DNAH8: variants seen among roughly 807,000 people sequenced by gnomAD.
DNAH8 encodes dynein axonemal heavy chain 8.
A neutral mutation model predicts 562.1 loss-of-function variants in DNAH8; 382 were observed. The ratio of observed to expected loss-of-function variants is 0.68; its 90% CI spans 0.63 to 0.74. The LOEUF (loss-of-function observed/expected upper bound fraction) is 0.74. Among genes scored for constraint, DNAH8 ranks in the 30% least tolerant of loss-of-function variants. DNAH8 has a pLI of 0.00. For synonymous variants in DNAH8, 1,881 were observed against 1,919.4 expected (o/e 0.98, Z 0.52); for missense variants, 5,203 against 5,620.4 (o/e 0.93, Z 2.37).
chr6:38,915,884 G>A (rs1387363522), intron 68 of DNAH8, among the ~76,000 whole-genome samples: 2 of 151,730 alleles, frequency 1.3e-5, no homozygotes, highest in Non-Finnish European at 2.9e-5. Flanking sequence ...ACACATATAT[G>A]TGCATGTATA....
intron 26 of DNAH8, 75 bp from the exon 27 acceptor site, chr6:38,822,763 T>A: frequency 9.0e-7 from 1 of 1,107,748 alleles, no homozygotes; most frequent in South Asian, 2.3e-5. Context: ...TGAAAAAGAA[T>A]CACAAATATT....
intron 84 of DNAH8, among the ~76,000 whole-genome samples, chr6:38,974,071 C>G (rs1763517461): frequency 6.6e-6 from 1 of 152,124 alleles, no homozygotes; most frequent in Non-Finnish European, 1.5e-5. Context: ...TTATACAATG[C>G]TGAACTTTGC....
chr6:38,857,478 A>G (rs1776291688), intron 41 of DNAH8, 40 bp from the exon 42 acceptor site: 2 of 1,429,672 alleles, frequency 1.4e-6, no homozygotes, highest in Non-Finnish European at 1.9e-6. Flanking sequence ...TGTGCTTTAA[A>G]TATTTGGCAA....
chr6:38,841,721 T>G (rs899728013), intron 33 of DNAH8, among the ~76,000 whole-genome samples: 2 of 151,622 alleles, frequency 1.3e-5, no homozygotes, highest in Admixed American at 1.3e-4. Flanking sequence ...TGGGCACATG[T>G]GGGATTTTTT....
chr6:38,719,981 T>A (rs1305242512), intron 1 of DNAH8, among the ~76,000 whole-genome samples: 1 of 152,096 alleles, frequency 6.6e-6, no homozygotes, highest in Non-Finnish European at 1.5e-5. Flanking sequence ...AACTCAGATA[T>A]AAGGATGAGA....
rs1289109348 is a variant in DNAH8 at position 38,853,181 on chromosome 6, T to A, written c.5572-5T>A. 6.3e-7 allele frequency: 1 copy of A among 1,590,320 alleles called. No homozygotes were observed. Among genetic ancestry groups the A allele is most frequent in the South Asian group, 1.2e-5 (1 of 86,586 alleles). ...ATTTATAATATCCTTGTAATTTTGT[T>A]TTAGTTGGATAATTCTGTTATGGCC... is the stretch of plus-strand genomic sequence containing the variant. On this transcript the variant is annotated splice_region_variant and splice_polypyrimidine_tract_variant and intron_variant, in intron 40 of 92. Transcript: ENST00000327475.
chr6:39,008,093 CTG>C (rs1765912249), intron 88 of DNAH8, among the ~76,000 whole-genome samples: 1 of 152,034 alleles, frequency 6.6e-6, no homozygotes, highest in African/African-American at 2.4e-5. Flanking sequence ...TCAAACCTCT[CTG>C]AAAGCATCCT....
intron 41 of DNAH8, among the ~76,000 whole-genome samples, chr6:38,854,830 GTA>G (rs144448046): frequency 1.3e-5 from 2 of 149,790 alleles, no homozygotes; most frequent in Non-Finnish European, 1.5e-5. Flanking sequence ...GTGTATGTGT[GTA>G]TATATATATG....
At chr6:38,782,627 C>G (rs189736752) in intron 16 of DNAH8, among the ~76,000 whole-genome samples, 11 of 151,982 alleles carry the variant, frequency 7.2e-5, no homozygotes, top group Non-Finnish European at 1.2e-4. Context: ...CCTTTTTTTG[C>G]GTGCTGGAAT....
chr6:38,820,493 C>T (rs1716435777), intron 26 of DNAH8, among the ~76,000 whole-genome samples: 2 of 152,060 alleles, frequency 1.3e-5, no homozygotes, highest in Admixed American at 1.3e-4. Flanking sequence ...TTTAAACCAC[C>T]AGGGTAGGGA....
rs773181107 is a variant in DNAH8 at position 38,883,351 on chromosome 6, T to G, written c.8031T>G (p.Thr2677=). The G allele has an allele frequency of 2.0e-4, 325 of 1,612,658 alleles. No individual in the cohort carries two copies. Among genetic ancestry groups the G allele is most frequent in the Non-Finnish European group, 3.4e-6 (4 of 1,179,380 alleles). ...TTTTGCTCACAGGAGAGCAGGGAAC[T>G]GCAAAAACTGTCATGGTTAAGGCCT... ...KAVLLTGEQG[T]AKTVMVKAYL... is the part of the protein sequence containing the mutation. The change falls in exon 55 of 93, where the codon ACT becomes ACG. Residue 2677 remains threonine, a synonymous_variant. Transcript: ENST00000327475.
chr6:38,754,371 CT>C (rs1259689978), intron 9 of DNAH8, among the ~76,000 whole-genome samples: 5 of 152,160 alleles, frequency 3.3e-5, no homozygotes, highest in Non-Finnish European at 5.9e-5. Flanking sequence ...TTATTAGGAT[CT>C]TTTTGATCTA....
At chr6:38,811,293 G>A (rs1480734125) in intron 24 of DNAH8, among the ~76,000 whole-genome samples, 1 of 152,218 alleles carries the variant, frequency 6.6e-6, no homozygotes, top group East Asian at 1.9e-4. Context: ...TGTGAGTGAA[G>A]GAGCACTGTC....
chr6:38,860,607 G>A lies in DNAH8; in HGVS notation c.6109G>A (p.Val2037Ile), dbSNP rs376679535. ...ATTTCTGGGATGTACTGATCGTCTT[G>A]TTATCACTCCATTAACAGATAGGTA... is the stretch of plus-strand genomic sequence containing the variant. Reference protein sequence around the residue: ...NEFLGCTDRLVITPLTDRCYI... With the variant: ...NEFLGCTDRLIITPLTDRCYI... Residue 2037 changes from valine to isoleucine, a missense_variant, in exon 43 of 93, where the codon GTT becomes ATT. By Grantham distance (29) the Val-to-Ile change is conservative. Transcript: ENST00000327475. 2 of 1,543,324 alleles carry A rather than the reference G, an allele frequency of 1.3e-6. No homozygotes were observed. Among genetic ancestry groups the A allele is most frequent in the Non-Finnish European group, 8.7e-7 (1 of 1,155,656 alleles).
chr6:38,834,758 TA>T, intron 32 of DNAH8, 117 bp downstream of exon 32: 1 of 739,442 alleles, frequency 1.4e-6, no homozygotes, highest in Non-Finnish European at 2.3e-6. Flanking sequence ...CATCAGTCCT[TA>T]ATTGTATTCT....
intron 85 of DNAH8, among the ~76,000 whole-genome samples, chr6:38,975,997 C>T (rs1485197531): frequency 3.3e-5 from 5 of 152,196 alleles, no homozygotes; most frequent in African/African-American, 4.8e-5. Flanking sequence ...AGCCATGGGG[C>T]TAAAGTGCCC....
intron 23 of DNAH8, among the ~76,000 whole-genome samples, chr6:38,806,310 AC>A (rs1292384526): frequency 7.9e-5 from 12 of 152,164 alleles, no homozygotes; most frequent in Non-Finnish European, 1.6e-4. Flanking sequence ...AATAAACAGC[AC>A]CCATTTATTC....
At chr6:38,854,458 A>G (rs1006074611) in intron 41 of DNAH8, among the ~76,000 whole-genome samples, 2 of 152,234 alleles carry the variant, frequency 1.3e-5, no homozygotes, top group Non-Finnish European at 2.9e-5. Flanking sequence ...AAATGAAGAC[A>G]GCTGAAATGA....
At chr6:38,845,850 A>G in intron 36 of DNAH8, 77 bp downstream of exon 36, 1 of 1,243,044 alleles carries the variant, frequency 8.0e-7, no homozygotes, top group East Asian at 2.4e-5. Flanking sequence ...CTCAGTTTTA[A>G]AGCTCTTTCA....
Sources: gnomAD v4.1 joint callset for allele counts (sites outside exome capture counted in the v4.1 genomes callset) on GRCh38, gnomAD v4.1.1 for gene constraint, MANE v1.5 for transcripts, NCBI Gene and HGNC (gene_info 2026-07-23, HGNC 2026-07-21) for gene names.